WWOX: variants seen among roughly 807,000 people sequenced by gnomAD.
The protein encoded by WWOX is WW domain-containing oxidoreductase.
A neutral mutation model predicts 46.2 loss-of-function variants in WWOX; 69 were observed. That is an observed-to-expected ratio of 1.49 (90% CI 1.23 to 1.82). The LOEUF (loss-of-function observed/expected upper bound fraction) is 1.82. WWOX is among the 40% of genes most tolerant of loss of function. The probability of loss-of-function intolerance (pLI) is 0.00; values close to 1 mark genes in which losing one functional copy is unlikely to be tolerated. For synonymous variants in WWOX, 359 were observed against 202.6 expected, an observed-to-expected ratio of 1.77 and a Z score of -6.56; for missense variants, 919 against 542.6, an observed-to-expected ratio of 1.69 and a Z score of -6.89.
chr16:78,851,801 T>C (rs150679213), intron 8 of WWOX, among the ~76,000 whole-genome samples: 11 of 152,370 alleles, frequency 7.2e-5, no homozygotes, highest in African/African-American at 2.6e-4. Context: ...AAAAGTTTTA[T>C]TGTAGGATTT....
intron 8 of WWOX, among the ~76,000 whole-genome samples, chr16:78,778,369 A>G (rs1428664433): frequency 6.6e-6 from 1 of 152,210 alleles, no homozygotes; most frequent in Non-Finnish European, 1.5e-5. Context: ...TGGTAAAGGA[A>G]CGAGGTGACA....
At chr16:78,374,322 C>G (rs2081764718) in intron 5 of WWOX, among the ~76,000 whole-genome samples, 1 of 152,022 alleles carries the variant, frequency 6.6e-6, no homozygotes. Flanking sequence ...AAAGCCAGAC[C>G]ATGCATGATT....
intron 8 of WWOX, among the ~76,000 whole-genome samples, chr16:78,937,732 C>A (rs1176404275): frequency 6.6e-6 from 1 of 151,922 alleles, no homozygotes; most frequent in African/African-American, 2.4e-5. Flanking sequence ...TGAAGCGATT[C>A]TCCTGCCTCA....
At chr16:78,720,531 T>C (rs1050309522) in intron 8 of WWOX, among the ~76,000 whole-genome samples, 6 of 152,094 alleles carry the variant, frequency 3.9e-5, no homozygotes, top group Admixed American at 2.0e-4. Context: ...AGTTACTCTC[T>C]TTCAGGATTT....
At chr16:78,814,236 A>G (rs908480505) in intron 8 of WWOX, among the ~76,000 whole-genome samples, 1 of 152,170 alleles carries the variant, frequency 6.6e-6, no homozygotes, top group Middle Eastern at 3.2e-3. Context: ...CCTCCATCTT[A>G]CATCAACAAT....
Position 78,263,042 on chromosome 16 carries a change from T to C in WWOX, c.516+98753T>C, listed in dbSNP as rs562854700. The stretch of plus-strand genomic sequence containing the variant: ...ATCCCTTGGCTCTGCTTTCCTTACA[T>C]TGGTCTTCTTGGGCATCCGTCTTCC... On this transcript the variant is annotated intron_variant, in intron 5 of 8. Coordinates refer to ENST00000566780, the MANE Select transcript of WWOX (RefSeq NM_016373.4). 8.5e-5 allele frequency among the ~76,000 whole-genome samples: 13 copies of C among 152,214 alleles called. No individual in the cohort carries two copies. In the South Asian group the frequency reaches 1.7e-3, roughly 19 times the overall value.
intron 8 of WWOX, among the ~76,000 whole-genome samples, chr16:78,717,710 A>G (rs963760881): frequency 6.6e-6 from 1 of 152,184 alleles, no homozygotes; most frequent in African/African-American, 2.4e-5. Context: ...TGCTTCTTTG[A>G]TACTCCAATG....
chr16:78,352,901 G>A (rs1164718841), intron 5 of WWOX, among the ~76,000 whole-genome samples: 1 of 152,178 alleles, frequency 6.6e-6, no homozygotes, highest in Non-Finnish European at 1.5e-5. Flanking sequence ...TAGGAGTATA[G>A]AGAAAAGATC....
At chr16:78,334,462 C>G (rs1597497105) in intron 5 of WWOX, among the ~76,000 whole-genome samples, 1 of 152,086 alleles carries the variant, frequency 6.6e-6, no homozygotes, top group Admixed American at 6.5e-5. Context: ...ATACAGCAAG[C>G]ACTTTCGGTG....
rs148745604 is a variant in WWOX, at chr16:78,532,396, G to C, written c.1056+99644G>C. 8.1e-4 allele frequency among the ~76,000 whole-genome samples: 123 copies of C among 152,174 alleles called. No homozygotes were observed. In the East Asian group the frequency reaches 0.017, roughly 22 times the overall value. On this transcript the variant is annotated intron_variant, in intron 8 of 8. Coordinates refer to ENST00000566780, the MANE Select transcript of WWOX (RefSeq NM_016373.4). The stretch of plus-strand genomic sequence containing the variant: ...TCAGAGCCTTGAAATCCTCATCTTT[G>C]AAATGACCATAGTAAGTTCCTGCCT...
Position 78,317,819 on chromosome 16 carries a change from A to G in WWOX, c.517-69041A>G, listed in dbSNP as rs985835841. 2.6e-5 allele frequency among the ~76,000 whole-genome samples: 4 copies of G among 152,246 alleles called. No individual in the cohort carries two copies. In the South Asian group the frequency reaches 8.3e-4, roughly 32 times the overall value. ...TGACATCCAAGGACTTGGTGGAACC[A>G]TGAGGAAATGAGAGTGGACAGTGAG... On this transcript the variant is annotated intron_variant, in intron 5 of 8. Transcript: ENST00000566780.
At chr16:78,268,521 A>G (rs535830181) in intron 5 of WWOX, among the ~76,000 whole-genome samples, 2 of 152,304 alleles carry the variant, frequency 1.3e-5, no homozygotes, top group South Asian at 2.1e-4. Flanking sequence ...CATCGAGAGC[A>G]TGGTCCAAAG....
intron 6 of WWOX, among the ~76,000 whole-genome samples, chr16:78,421,872 G>A (rs751469769): frequency 1.3e-5 from 2 of 152,020 alleles, no homozygotes; most frequent in South Asian, 4.1e-4. Context: ...TTATTGCTTG[G>A]AAACAGGATT....
chr16:78,814,868 C>T (rs527496207), intron 8 of WWOX, among the ~76,000 whole-genome samples: 1 of 152,190 alleles, frequency 6.6e-6, no homozygotes, highest in Non-Finnish European at 1.5e-5. Flanking sequence ...CTCTCGCGTG[C>T]GGTCTGTGCA....
At chr16:78,578,660 T>G (rs2044968800) in intron 8 of WWOX, among the ~76,000 whole-genome samples, 1 of 152,060 alleles carries the variant, frequency 6.6e-6, no homozygotes, top group Non-Finnish European at 1.5e-5. Context: ...ACATAGGCAG[T>G]TGTTATGCAG....
intron 8 of WWOX, among the ~76,000 whole-genome samples, chr16:78,826,662 A>T (rs547635016): frequency 6.6e-6 from 1 of 152,158 alleles, no homozygotes; most frequent in Non-Finnish European, 1.5e-5. Context: ...TCCGTAACTT[A>T]ATTACATCTG....
At position 78,218,035 on chromosome 16, in the gene WWOX, C is replaced by G. The variant is rs191958527; in HGVS notation, c.516+53746C>G. On this transcript the variant is annotated intron_variant, in intron 5 of 8. Coordinates refer to ENST00000566780, the MANE Select transcript of WWOX (RefSeq NM_016373.4). ...ATTTTTTTACTTTCCCTCTCCCTCCCTGTGCTTGCCTTTCTTTTCTTTTCT... is the reference window on the plus strand; with the variant it reads ...ATTTTTTTACTTTCCCTCTCCCTCCGTGTGCTTGCCTTTCTTTTCTTTTCT... Among the ~76,000 whole-genome samples the G allele has an allele frequency of 2.2e-4, 34 of 152,170 alleles. No homozygotes were observed. In the East Asian group the frequency reaches 6.6e-3, roughly 30 times the overall value.
chr16:78,318,187 C>G (rs1015178440), intron 5 of WWOX, among the ~76,000 whole-genome samples: 3 of 151,854 alleles, frequency 2.0e-5, no homozygotes, highest in African/African-American at 7.3e-5. Flanking sequence ...TCTTTACTTC[C>G]CGGGGGCAGA....
At chr16:79,034,417 G>A (rs1332824954) in intron 8 of WWOX, among the ~76,000 whole-genome samples, 3 of 152,198 alleles carry the variant, frequency 2.0e-5, no homozygotes, top group Non-Finnish European at 4.4e-5. Flanking sequence ...TCTCCAAGGT[G>A]TATACACTGC....
Sources: allele counts gnomAD v4.1 joint callset (sites outside exome capture counted in the v4.1 genomes callset), GRCh38; gene constraint gnomAD v4.1.1; transcripts MANE v1.5; gene names NCBI Gene and HGNC (gene_info 2026-07-23, HGNC 2026-07-21).